Variants in PHACTR1 observed in about 807,000 individuals in gnomAD.
PHACTR1 encodes phosphatase and actin regulator 1, also known as RPEL repeat containing 1.
A neutral mutation model predicts 69.2 loss-of-function variants in PHACTR1; 16 were observed. The ratio of observed to expected loss-of-function variants is 0.23; its 90% CI spans 0.16 to 0.35. The LOEUF (loss-of-function observed/expected upper bound fraction) is 0.35, where lower values mean the gene tolerates loss of function less well. Ranked by LOEUF, PHACTR1 falls within the 10% of genes least tolerant of loss-of-function variation. The pLI, the probability that PHACTR1 is intolerant of heterozygous loss-of-function variation, is 1.00. For missense variants in PHACTR1, 510 were observed against 734.7 expected, an observed-to-expected ratio of 0.69 and a Z score of 3.54; for synonymous variants, 312 against 284.5, an observed-to-expected ratio of 1.10 and a Z score of -0.97.
At chr6:12,816,482 C>T (rs142038275) in intron 4 of PHACTR1, among the ~76,000 whole-genome samples, 79 of 152,300 alleles carry the variant, frequency 5.2e-4, no homozygotes, top group African/African-American at 1.8e-3. Context: ...AATCATTACT[C>T]TGAGACATGT....
chr6:13,257,108 G>A (rs1458872740), intron 10 of PHACTR1, among the ~76,000 whole-genome samples: 1 of 152,152 alleles, frequency 6.6e-6, no homozygotes, highest in Non-Finnish European at 1.5e-5. Flanking sequence ...CTGCTTCTGG[G>A]GAGTCCTCAG....
chr6:13,068,687 T>A (rs1265065153), intron 5 of PHACTR1, among the ~76,000 whole-genome samples: 1 of 152,174 alleles, frequency 6.6e-6, no homozygotes, highest in Admixed American at 6.5e-5. Context: ...CTAAAGTATT[T>A]CCTTTTCTCT....
intron 5 of PHACTR1, among the ~76,000 whole-genome samples, chr6:13,155,566 G>C (rs1295742202): frequency 6.6e-6 from 1 of 152,154 alleles, no homozygotes; most frequent in Non-Finnish European, 1.5e-5. Context: ...GAGGTGTCAT[G>C]CATACCTTGT....
chr6:13,026,450 T>G (rs1801710949), intron 4 of PHACTR1, among the ~76,000 whole-genome samples: 1 of 152,154 alleles, frequency 6.6e-6, no homozygotes, highest in Non-Finnish European at 1.5e-5. Context: ...GGGTCAAGCT[T>G]TTTTTCCAGA....
intron 4 of PHACTR1, among the ~76,000 whole-genome samples, chr6:12,944,185 G>A (rs947453855): frequency 6.6e-6 from 1 of 152,192 alleles, no homozygotes; most frequent in African/African-American, 2.4e-5. Flanking sequence ...CAGTGTGTCT[G>A]AGAATTAAGG....
At chr6:13,229,678 C>T (rs1770482359) in intron 9 of PHACTR1, among the ~76,000 whole-genome samples, 1 of 152,200 alleles carries the variant, frequency 6.6e-6, no homozygotes, top group Admixed American at 6.5e-5. Flanking sequence ...GTGTCAGCCC[C>T]TCCTCCTCGT....
chr6:12,954,572 A>T (rs1791660443), intron 4 of PHACTR1, among the ~76,000 whole-genome samples: 1 of 152,092 alleles, frequency 6.6e-6, no homozygotes, highest in Non-Finnish European at 1.5e-5. Context: ...ATGTGTAGAA[A>T]GTAGAGTCAA....
rs560645913 is a variant in PHACTR1 at position 13,216,633 on chromosome 6, C to T, written c.986+10497C>T. Among the ~76,000 whole-genome samples, 8 of 152,318 alleles carry T rather than the reference C, an allele frequency of 5.3e-5. No homozygotes were observed. In the South Asian group the frequency reaches 1.4e-3, roughly 28 times the overall value. ...AATTCCAGCTAGACATTTGTCCTTG[C>T]CCCTTGGAAGCCAGCACTGTCAATC... On this transcript the variant is annotated intron_variant, in intron 8 of 14. Transcript: ENST00000332995.
At chr6:12,984,339 T>C (rs1562093031) in intron 4 of PHACTR1, among the ~76,000 whole-genome samples, 1 of 152,222 alleles carries the variant, frequency 6.6e-6, no homozygotes, top group Non-Finnish European at 1.5e-5. Context: ...TTTGTTGTTG[T>C]TGTTTTTTGG....
chr6:12,804,627 G>C (rs1774091158), intron 4 of PHACTR1, among the ~76,000 whole-genome samples: 1 of 152,172 alleles, frequency 6.6e-6, no homozygotes, highest in Admixed American at 6.5e-5. Context: ...TTCGAGATGA[G>C]CTTGGGCAAC....
At chr6:13,060,985 G>A (rs1284612567) in intron 5 of PHACTR1, among the ~76,000 whole-genome samples, 2 of 152,176 alleles carry the variant, frequency 1.3e-5, no homozygotes, top group African/African-American at 4.8e-5. Flanking sequence ...TGAAGTCAAG[G>A]TGTTGGCAGG....
At chr6:13,177,172 TAAAAAAAAAAAAA>T (rs530741132) in intron 6 of PHACTR1, among the ~76,000 whole-genome samples, 18 of 63,378 alleles carry the variant, frequency 2.8e-4, no homozygotes, top group African/African-American at 1.5e-3. Context: ...ACCCCATCTC[TAAAAAAAAAAAAA>T]AAAAAAAAAA....
At chr6:12,868,736 G>A (rs373854160) in intron 4 of PHACTR1, among the ~76,000 whole-genome samples, 4 of 152,150 alleles carry the variant, frequency 2.6e-5, no homozygotes, top group East Asian at 1.9e-4. Flanking sequence ...ATCATAGAAA[G>A]AGTGTAGCAA....
At chr6:13,159,846 A>G (rs1426862597) in intron 5 of PHACTR1, among the ~76,000 whole-genome samples, 1 of 152,180 alleles carries the variant, frequency 6.6e-6, no homozygotes, top group Non-Finnish European at 1.5e-5. Flanking sequence ...AGGCTAAGGC[A>G]GGAGAATCGC....
intron 4 of PHACTR1, among the ~76,000 whole-genome samples, chr6:12,753,959 TATA>T (rs1158658524): frequency 4.9e-4 from 51 of 104,612 alleles, no homozygotes; most frequent in African/African-American, 1.5e-3. Flanking sequence ...TATATATATA[TATA>T]TATATATATT....
intron 4 of PHACTR1, among the ~76,000 whole-genome samples, chr6:12,904,520 G>A (rs1291716879): frequency 3.5e-5 from 5 of 143,896 alleles, no homozygotes; most frequent in African/African-American, 1.3e-4. Flanking sequence ...GGCAGCAAGA[G>A]CAAAACTCCA....
At chr6:13,182,377 C>G (rs1762287136) in intron 6 of PHACTR1, 142 bp from the exon 7 acceptor site, 1 of 966,778 alleles carries the variant, frequency 1.0e-6, no homozygotes, top group Non-Finnish European at 1.6e-6. Context: ...AAATAAATGT[C>G]TTAAAAGCAA....
At chr6:13,084,570 A>G (rs1199558478) in intron 5 of PHACTR1, among the ~76,000 whole-genome samples, 1 of 152,128 alleles carries the variant, frequency 6.6e-6, no homozygotes, top group East Asian at 1.9e-4. Flanking sequence ...AAATGAACAC[A>G]TAATAAAGGA....
intron 6 of PHACTR1, among the ~76,000 whole-genome samples, chr6:13,162,407 G>A (rs1376620755): frequency 6.6e-6 from 1 of 151,866 alleles, no homozygotes; most frequent in African/African-American, 2.4e-5. Context: ...GATTACAGGT[G>A]TGAGCCACCG....
Sources: allele counts gnomAD v4.1 joint callset (sites outside exome capture counted in the v4.1 genomes callset), GRCh38; gene constraint gnomAD v4.1.1; transcripts MANE v1.5; gene names NCBI Gene and HGNC (gene_info 2026-07-23, HGNC 2026-07-21).